Variants in SH3GLB1 observed in about 807,000 individuals in gnomAD.
The protein encoded by SH3GLB1 is SH3 domain containing GRB2 like, endophilin B1.
SH3GLB1 carries 17 observed loss-of-function variants against 42.0 expected under a neutral mutation model. The ratio of observed to expected loss-of-function variants is 0.40; its 90% CI spans 0.28 to 0.61. SH3GLB1 has a LOEUF of 0.61. Among genes scored for constraint, SH3GLB1 ranks in the 20% least tolerant of loss-of-function variants. The pLI is 0.36. For synonymous variants in SH3GLB1, 132 were observed against 146.6 expected (o/e 0.90, Z 0.72); for missense variants, 355 against 426.3 (o/e 0.83, Z 1.47).
chr1:86,728,127 C>A (rs1655295523), intron 5 of SH3GLB1, among the ~76,000 whole-genome samples: 1 of 151,794 alleles, frequency 6.6e-6, no homozygotes, highest in South Asian at 2.1e-4. Context: ...AGGTAACTGG[C>A]AGTTTTAAAA....
intron 5 of SH3GLB1, among the ~76,000 whole-genome samples, chr1:86,728,791 T>A (rs1655346293): frequency 3.3e-5 from 5 of 152,156 alleles, no homozygotes; most frequent in Admixed American, 2.0e-4. Flanking sequence ...ATTTTCACTT[T>A]TGGCAAAGAA....
chr1:86,743,755 G>A lies in SH3GLB1; in HGVS notation c.*520G>A, dbSNP rs1300067215. 1 of 152,496 alleles carries A rather than the reference G, an allele frequency of 6.6e-6. No individual in the cohort carries two copies. The highest frequency in any genetic ancestry group is 2.4e-5 in the African/African-American group (1 of 41,422). 9.4% of individuals were successfully genotyped at this position (152,496 alleles called of 1,614,324 possible). ...AAACGCATTTAAACTATGTTTACCT[G>A]GTTTTCCAACAGAAATCAAATGATT... is the stretch of plus-strand genomic sequence containing the variant. On this transcript the variant is annotated 3_prime_UTR_variant, in exon 9 of 9. Coordinates refer to ENST00000370558, the MANE Select transcript of SH3GLB1 (RefSeq NM_016009.5).
At chr1:86,718,983 G>GA (rs1370969058) in intron 2 of SH3GLB1, among the ~76,000 whole-genome samples, 11 of 152,222 alleles carry the variant, frequency 7.2e-5, no homozygotes, top group Non-Finnish European at 1.6e-4. Context: ...TCCAAGCCTG[G>GA]ATTGTTCTAT....
Position 86,704,864 on chromosome 1 carries a change from G to T in SH3GLB1, c.-36G>T, listed in dbSNP as rs765533138. On this transcript the variant is annotated 5_prime_UTR_variant, in exon 1 of 9. Coordinates refer to ENST00000370558, the MANE Select transcript of SH3GLB1 (RefSeq NM_016009.5). The stretch of plus-strand genomic sequence containing the variant: ...GCCGCGGCACCTCCGCCTCGCCGCC[G>T]CTAGGTCGGCCGGCTCCGCCCGGCT... 2.7e-6 allele frequency: 4 copies of T among 1,482,632 alleles called. No homozygotes were observed. Among genetic ancestry groups the T allele is most frequent in the Non-Finnish European group, 2.7e-6 (3 of 1,097,820 alleles). 91.8% of individuals were successfully genotyped at this position (1,482,632 alleles called of 1,614,324 possible). A position where few individuals can be genotyped will look rare whatever the true frequency, so the allele number is the denominator to read the frequency against.
intron 1 of SH3GLB1, among the ~76,000 whole-genome samples, chr1:86,714,341 T>C (rs1230982512): frequency 2.0e-5 from 3 of 152,208 alleles, no homozygotes; most frequent in Admixed American, 6.5e-5. Context: ...GGGTTTGCTT[T>C]TGCTCAGTGC....
intron 7 of SH3GLB1, among the ~76,000 whole-genome samples, chr1:86,735,727 G>T (rs116092409): frequency 6.6e-6 from 1 of 152,304 alleles, no homozygotes; most frequent in East Asian, 1.9e-4. Context: ...GTTACATATT[G>T]TGGGGTAATA....
rs202019464 is a variant in SH3GLB1 at position 86,724,303 on chromosome 1, A to G, written c.478-10A>G. ...CTTTAGCCCTTATTTTTTCTTTTCT[A>G]TATTTATAGAAAGAAAGGAAACTAT... On this transcript the variant is annotated splice_polypyrimidine_tract_variant and intron_variant, in intron 4 of 8. Coordinates refer to ENST00000370558, the MANE Select transcript of SH3GLB1 (RefSeq NM_016009.5). 7.7e-4 allele frequency: 1,208 copies of G among 1,559,506 alleles called. 9 individuals are homozygous for G. The African/African-American group carries it at 0.015, about 19-fold the overall frequency.
chr1:86,713,499 T>C (rs574751210), intron 1 of SH3GLB1, among the ~76,000 whole-genome samples: 30 of 152,222 alleles, frequency 2.0e-4, no homozygotes, highest in Non-Finnish European at 2.6e-4. Flanking sequence ...GTGAGGGTGA[T>C]GCTAATGAGC....
intron 8 of SH3GLB1, 100 bp downstream of exon 8, chr1:86,742,536 T>C: frequency 1.3e-6 from 1 of 757,112 alleles, no homozygotes; most frequent in East Asian, 2.7e-5. Flanking sequence ...TTGGAAATGG[T>C]TTCATAGATT....
At chr1:86,730,229 T>C in intron 5 of SH3GLB1, 4 of 1,421,994 alleles carry the variant, frequency 2.8e-6, no homozygotes, top group Non-Finnish European at 3.7e-6. Context: ...GTATACCTTA[T>C]AAAATCTGAA....
At chr1:86,740,787 G>A (rs61802927) in intron 7 of SH3GLB1, among the ~76,000 whole-genome samples, 7,168 of 152,154 alleles carry the variant, frequency 0.047, 229 homozygotes, top group Non-Finnish European at 0.075. Context: ...TGTCCATTTG[G>A]ATATTAAAGT....
At chr1:86,716,270 G>T (rs1175968552) in intron 2 of SH3GLB1, among the ~76,000 whole-genome samples, 3 of 151,758 alleles carry the variant, frequency 2.0e-5, no homozygotes, top group African/African-American at 4.8e-5. Flanking sequence ...TTGTTTGTTT[G>T]TTTGTTTGTT....
intron 1 of SH3GLB1, among the ~76,000 whole-genome samples, chr1:86,713,625 T>C (rs1438675445): frequency 6.6e-6 from 1 of 152,160 alleles, no homozygotes; most frequent in Non-Finnish European, 1.5e-5. Context: ...TCAGAGATGC[T>C]GTTTCTCTAA....
At chr1:86,726,806 CT>C (rs962229806) in intron 5 of SH3GLB1, among the ~76,000 whole-genome samples, 24 of 151,820 alleles carry the variant, frequency 1.6e-4, no homozygotes, top group East Asian at 1.2e-3. Flanking sequence ...TTTGGTGATC[CT>C]TTTTTTCCCC....
In SH3GLB1 at chr1:86,743,369, T is replaced by C. The variant is rs1656156841; in HGVS notation, c.*134T>C. 3 of 462,400 alleles carry C rather than the reference T, an allele frequency of 6.5e-6. No individual in the cohort carries two copies. In the South Asian group the frequency reaches 2.1e-4, roughly 33 times the overall value. The allele number at this position is 462,400 out of a possible 1,614,324, so 28.6% of individuals were successfully genotyped here. On this transcript the variant is annotated 3_prime_UTR_variant, in exon 9 of 9. Transcript: ENST00000370558. ...AATACCAGCCATCAGAAACTGGCCT[T>C]TCTGCCAATAAAGTTGCATGGTAAA...
intron 2 of SH3GLB1, among the ~76,000 whole-genome samples, chr1:86,718,201 A>C (rs1654660564): frequency 6.6e-6 from 1 of 151,650 alleles, no homozygotes; most frequent in African/African-American, 2.4e-5. Flanking sequence ...TACCACACCT[A>C]GCTAATTTTT....
Position 86,744,210 on chromosome 1 carries a change from A to G in SH3GLB1, c.*975A>G, listed in dbSNP as rs116809966. ...ATGAGGATCTCTGCTTATGAAACAC[A>G]TACTAATGAAATTATTAGTGACACA... is the stretch of plus-strand genomic sequence containing the variant. On this transcript the variant is annotated 3_prime_UTR_variant, in exon 9 of 9. Transcript: ENST00000370558. The G allele has an allele frequency of 1.7e-3, 254 of 152,368 alleles. No homozygotes were observed. Among genetic ancestry groups the G allele is most frequent in the African/African-American group, 5.8e-3 (243 of 41,594 alleles). 9.4% of individuals were successfully genotyped at this position (152,368 alleles called of 1,614,324 possible).
rs1191673380 is a variant in SH3GLB1 at position 86,711,951 on chromosome 1, C to T, written c.73-3773C>T. Reference sequence around the variant, plus strand: ...ATTTAGTTGAGATGACTCCTAGTGTCTGTAGTAGACGCATTATTTACAGTG... The same window carrying T: ...ATTTAGTTGAGATGACTCCTAGTGTTTGTAGTAGACGCATTATTTACAGTG... On this transcript the variant is annotated intron_variant, in intron 1 of 8. Coordinates refer to ENST00000370558, the MANE Select transcript of SH3GLB1 (RefSeq NM_016009.5). Among the ~76,000 whole-genome samples, 4 of 151,938 alleles carry T rather than the reference C, an allele frequency of 2.6e-5. No homozygotes were observed. The East Asian group carries it at 7.7e-4, about 29-fold the overall frequency.
chr1:86,705,655 G>A (rs1653819133), intron 1 of SH3GLB1, among the ~76,000 whole-genome samples: 1 of 152,202 alleles, frequency 6.6e-6, no homozygotes, highest in Non-Finnish European at 1.5e-5. Flanking sequence ...TGTAGTCACA[G>A]TAGTATGTTT....
Sources: allele counts gnomAD v4.1 joint callset (sites outside exome capture counted in the v4.1 genomes callset), GRCh38; gene constraint gnomAD v4.1.1; transcripts MANE v1.5; gene names NCBI Gene and HGNC (gene_info 2026-07-23, HGNC 2026-07-21).